SCN1A: variants seen among roughly 807,000 people sequenced by gnomAD.
SCN1A encodes sodium channel protein type 1 subunit alpha.
In SCN1A, 13 loss-of-function variants were observed where a neutral mutation model predicts 193.7. That is an observed-to-expected ratio of 0.07 (90% CI 0.04 to 0.11). SCN1A has a LOEUF of 0.11. Among genes scored for constraint, SCN1A ranks in the 10% least tolerant of loss-of-function variants. The pLI is 1.00. For missense variants in SCN1A, 1,432 were observed against 2,451.1 expected, an observed-to-expected ratio of 0.58 and a Z score of 8.78; for synonymous variants, 781 against 843.6, an observed-to-expected ratio of 0.93 and a Z score of 1.29.
chr2:166,084,689 G>A (rs902398529), intron 2 of SCN1A, among the ~76,000 whole-genome samples: 1 of 152,024 alleles, frequency 6.6e-6, no homozygotes, highest in Non-Finnish European at 1.5e-5. Context: ...TAACCATTTT[G>A]GTAAAATAAT....
chr2:166,089,574 G>T (rs1399668530), intron 2 of SCN1A, among the ~76,000 whole-genome samples: 2 of 152,032 alleles, frequency 1.3e-5, no homozygotes, highest in African/African-American at 4.8e-5. Flanking sequence ...TGGTTGACTA[G>T]GTAGGGGATG....
intron 2 of SCN1A, among the ~76,000 whole-genome samples, chr2:166,086,877 T>C (rs149313791): frequency 1.7e-3 from 259 of 152,280 alleles, no homozygotes; most frequent in Non-Finnish European, 2.8e-3. Flanking sequence ...AGCTGATGAT[T>C]ATCACAGATT....
At chr2:166,064,363 T>C (rs7607629) in intron 4 of SCN1A, among the ~76,000 whole-genome samples, 29,242 of 152,124 alleles carry the variant, frequency 0.19, 3,033 homozygotes, top group South Asian at 0.28. Flanking sequence ...GATTCTGTCA[T>C]AGCAGGGCTG....
rs181811635 is a variant in SCN1A at position 166,031,682 on chromosome 2, G to A, written c.3429+4366C>T. On this transcript the variant is annotated intron_variant, in intron 19 of 28. Transcript: ENST00000674923. ...GTAATTCTTGTAAGAAAACTTACTG[G>A]AACAGTGTGGAATGCAACTGGTAAC... 4.7e-3 allele frequency among the ~76,000 whole-genome samples: 722 copies of A among 152,164 alleles called. 7 individuals carry two copies. Among genetic ancestry groups the A allele is most frequent in the Middle Eastern group, 0.014 (4 of 292 alleles).
At chr2:165,994,831 T>C (rs557989845) in intron 27 of SCN1A, among the ~76,000 whole-genome samples, 3 of 152,024 alleles carry the variant, frequency 2.0e-5, no homozygotes, top group Admixed American at 2.0e-4. Flanking sequence ...AATATAGTAC[T>C]ATTAATATTT....
At chr2:166,089,671 CA>C in intron 2 of SCN1A, among the ~76,000 whole-genome samples, 1 of 151,952 alleles carries the variant, frequency 6.6e-6, no homozygotes. Context: ...AATGAATTAT[CA>C]ATGTGCCAGG....
chr2:166,043,180 T>C (rs1697368842), intron 14 of SCN1A, among the ~76,000 whole-genome samples: 1 of 152,204 alleles, frequency 6.6e-6, no homozygotes, highest in Non-Finnish European at 1.5e-5. Flanking sequence ...AAGACCTATA[T>C]CAGCATTTTT....
intron 25 of SCN1A, among the ~76,000 whole-genome samples, chr2:165,998,623 C>T (rs1355580042): frequency 6.6e-6 from 1 of 151,200 alleles, no homozygotes; most frequent in Non-Finnish European, 1.5e-5. Context: ...CCTAAAGTAA[C>T]AGTTATTGAA....
At chr2:166,054,228 T>G (rs957438085) in intron 7 of SCN1A, among the ~76,000 whole-genome samples, 5 of 152,060 alleles carry the variant, frequency 3.3e-5, no homozygotes, top group Admixed American at 6.6e-5. Context: ...AGAAGCTGTG[T>G]GTAATATCAG....
rs1697894901 is a variant in SCN1A at position 166,046,867 on chromosome 2, T to G, written c.1280A>C (p.Glu427Ala). The change falls in exon 12 of 29, where the codon GAG becomes GCG. Residue 427 changes from glutamate to alanine, a missense_variant. Physicochemically the swap from Glu to Ala is moderately radical, Grantham distance 107 (BLOSUM62 -1). Around this residue, in one of 18 missense-constraint regions of SCN1A, gnomAD observed 58 missense variants for 103.4 expected, o/e 0.56. Transcript: ENST00000674923. ...TTCCAAGGTGGCCTGATTCTGTTCC[T>G]CGTAGGCCATGGCCACCACAGCCAG... ...LILAVVAMAY[E>A]EQNQATLEEA... 6.2e-7 allele frequency: 1 copy of G among 1,614,030 alleles called. No individual in the cohort carries two copies. The highest frequency in any genetic ancestry group is 8.5e-7 in the Non-Finnish European group (1 of 1,179,916).
rs556824665 is a variant in SCN1A at position 166,148,062 on chromosome 2, A to G, written c.-50+985T>C. 7.9e-5 allele frequency among the ~76,000 whole-genome samples: 12 copies of G among 152,324 alleles called. No individual in the cohort carries two copies. In the South Asian group the frequency reaches 2.3e-3, roughly 29 times the overall value. ...GAGATCACGTAGACAGTTTATGCAG[A>G]CTTTACTTTCCTAACTCATGTCATC... On this transcript the variant is annotated intron_variant, in intron 1 of 26. Transcript: ENST00000635750.
At chr2:166,132,203 G>A (rs908541212), upstream of SCN1A, among the ~76,000 whole-genome samples, 3 of 152,146 alleles carry the variant, frequency 2.0e-5, no homozygotes, top group Admixed American at 2.0e-4. Context: ...CTAGAGTTTG[G>A]ATTTAAACTC....
At chr2:166,013,715 C>T (rs1172322938) in intron 21 of SCN1A, 29 bp downstream of exon 21, 1 of 1,604,258 alleles carries the variant, frequency 6.2e-7, no homozygotes. Flanking sequence ...AAAATTAGTG[C>T]TGTATCACCT....
At chr2:166,077,971 C>T (rs934063808) in intron 2 of SCN1A, 170 bp from the exon 3 acceptor site, 4 of 151,802 alleles carry the variant, frequency 2.6e-5, no homozygotes, top group African/African-American at 4.8e-5. Context: ...CTAAAATGGA[C>T]ATACAGTATG....
chr2:166,093,280 A>G (rs1202702443), intron 2 of SCN1A, among the ~76,000 whole-genome samples: 1 of 151,270 alleles, frequency 6.6e-6, no homozygotes, highest in African/African-American at 2.4e-5. Context: ...TTCTCATTCC[A>G]GTTTAATCTC....
Position 166,045,223 on chromosome 2 carries a change from A to G in SCN1A, c.1482T>C (p.Ala494=). ...TCTTCCTCCGATTTCTTCTTTCCTT[A>G]GCACTCTTGGAACTCAACTTAGAGG... ...SEASKLSSKS[A]KERRNRRKKR... is the part of the protein sequence containing the mutation. The change falls in exon 13 of 29, where the codon GCT becomes GCC. Residue 494 remains alanine (A), a synonymous_variant. Coordinates refer to ENST00000674923, the MANE Select transcript of SCN1A (RefSeq NM_001165963.4). 6.2e-7 allele frequency: 1 copy of G among 1,614,032 alleles called. No homozygotes were observed. Among genetic ancestry groups the G allele is most frequent in the Non-Finnish European group, 8.5e-7 (1 of 1,180,018 alleles).
At chr2:166,051,064 T>C (rs1160996612) in intron 9 of SCN1A, among the ~76,000 whole-genome samples, 1 of 152,014 alleles carries the variant, frequency 6.6e-6, no homozygotes, top group Non-Finnish European at 1.5e-5. Context: ...GGCATTCACA[T>C]ATTTTATCTC....
At chr2:166,113,982 C>A (rs1278015984) in intron 2 of SCN1A, among the ~76,000 whole-genome samples, 1 of 151,848 alleles carries the variant, frequency 6.6e-6, no homozygotes, top group Non-Finnish European at 1.5e-5. Context: ...ATTAATAATT[C>A]TCTTTCTTAG....
intron 2 of SCN1A, among the ~76,000 whole-genome samples, chr2:166,089,575 G>T (rs568585846): frequency 1.3e-5 from 2 of 152,134 alleles, no homozygotes; most frequent in East Asian, 1.9e-4. Flanking sequence ...GGTTGACTAG[G>T]TAGGGGATGG....
Sources: gnomAD v4.1 joint callset for allele counts (sites outside exome capture counted in the v4.1 genomes callset) on GRCh38, gnomAD v4.1.1 for gene constraint, gnomAD v4.1.1 regional missense constraint, MANE v1.5 for transcripts, NCBI Gene and HGNC (gene_info 2026-07-23, HGNC 2026-07-21) for gene names.